CENPW: variants seen among roughly 807,000 people sequenced by gnomAD.
CENPW encodes the protein centromere protein W, also known as cancer-up-regulated gene 2 protein.
CENPW carries 3 observed loss-of-function variants against 11.1 expected under a neutral mutation model. The observed-to-expected ratio is 0.27, with a 90% CI of 0.12 to 0.70. The LOEUF is 0.70. Among genes scored for constraint, CENPW ranks in the 30% least tolerant of loss-of-function variants. The probability of loss-of-function intolerance (pLI) is 0.77; values close to 1 mark genes in which losing one functional copy is unlikely to be tolerated. For missense variants in CENPW, 100 were observed against 105.6 expected (o/e 0.95, Z 0.23); for synonymous variants, 38 against 42.0 (o/e 0.91, Z 0.37).
At chr6:126,409,123 T>C in the CENPW span, among the ~76,000 whole-genome samples, 149 of 152,250 alleles carry the variant, frequency 9.8e-4, no homozygotes, top group Non-Finnish European at 1.3e-3. Context: ...TTTTGCTATA[T>C]CTCATAGGTT....
chr6:126,468,909 T>A, the CENPW span, among the ~76,000 whole-genome samples: 336 of 152,124 alleles, frequency 2.2e-3, no homozygotes, highest in Non-Finnish European at 4.0e-3. Flanking sequence ...GTTGAAGTGA[T>A]CTCCTCCCTT....
the CENPW span, among the ~76,000 whole-genome samples, chr6:126,374,711 A>T: frequency 6.6e-6 from 1 of 152,210 alleles, no homozygotes; most frequent in Non-Finnish European, 1.5e-5. Context: ...TAATAAAGCA[A>T]GTAGTTACAA....
chr6:126,478,410 ATCTCTC>A, the CENPW span, among the ~76,000 whole-genome samples: 18 of 146,868 alleles, frequency 1.2e-4, no homozygotes, highest in African/African-American at 3.5e-4. Context: ...GTCTCTCTTT[ATCTCTC>A]TCTCTCTCTC....
chr6:126,389,781 T>A, the CENPW span, among the ~76,000 whole-genome samples: 2 of 151,816 alleles, frequency 1.3e-5, no homozygotes, highest in Non-Finnish European at 2.9e-5. Flanking sequence ...TGTACATAAA[T>A]ATTTATTTTA....
chr6:126,372,057 T>G, the CENPW span, among the ~76,000 whole-genome samples: 1 of 152,068 alleles, frequency 6.6e-6, no homozygotes, highest in Non-Finnish European at 1.5e-5. Flanking sequence ...ATTTATCTTT[T>G]ATATTGTTAT....
At chr6:126,467,120 T>C in the CENPW span, among the ~76,000 whole-genome samples, 1 of 152,138 alleles carries the variant, frequency 6.6e-6, no homozygotes, top group African/African-American at 2.4e-5. Context: ...AATGACACTT[T>C]CCACAGGCTA....
the CENPW span, among the ~76,000 whole-genome samples, chr6:126,482,132 A>C: frequency 1.3e-5 from 2 of 152,058 alleles, no homozygotes; most frequent in Non-Finnish European, 2.9e-5. Flanking sequence ...TTCAGAGTAT[A>C]GACACTGTTT....
the CENPW span, among the ~76,000 whole-genome samples, chr6:126,401,589 G>A: frequency 6.6e-6 from 1 of 151,590 alleles, no homozygotes; most frequent in African/African-American, 2.4e-5. Flanking sequence ...CACTTGCCTT[G>A]CTCTATTGGA....
the CENPW span, among the ~76,000 whole-genome samples, chr6:126,467,276 T>C: frequency 6.6e-6 from 1 of 152,228 alleles, no homozygotes; most frequent in Non-Finnish European, 1.5e-5. Context: ...AACAGCATGG[T>C]ACTGGTACAA....
At chr6:126,342,892 T>G (rs576382517) in intron 1 of CENPW, among the ~76,000 whole-genome samples, 1 of 152,216 alleles carries the variant, frequency 6.6e-6, no homozygotes, top group Non-Finnish European at 1.5e-5. Context: ...TATAATTTCT[T>G]TGTGTTATTT....
the CENPW span, among the ~76,000 whole-genome samples, chr6:126,422,298 T>G: frequency 1.3e-5 from 2 of 152,248 alleles, no homozygotes; most frequent in African/African-American, 4.8e-5. Flanking sequence ...ATTAGTCAGC[T>G]AGGGTTGCCA....
At chr6:126,405,730 C>G in the CENPW span, among the ~76,000 whole-genome samples, 71 of 151,954 alleles carry the variant, frequency 4.7e-4, no homozygotes, top group African/African-American at 1.7e-3. Flanking sequence ...CCTTAATTGT[C>G]TGTTACTAAG....
chr6:126,415,601 C>T, the CENPW span, among the ~76,000 whole-genome samples: 1 of 152,148 alleles, frequency 6.6e-6, no homozygotes, highest in South Asian at 2.1e-4. Flanking sequence ...TCTTGAATTC[C>T]CATGTATTGT....
At chr6:126,444,011 G>A in the CENPW span, among the ~76,000 whole-genome samples, 2 of 148,040 alleles carry the variant, frequency 1.4e-5, no homozygotes, top group East Asian at 2.0e-4. Context: ...ATTGTCTTCT[G>A]TCATAAAGCA....
At chr6:126,404,854 GTT>G in the CENPW span, among the ~76,000 whole-genome samples, 1,182 of 137,740 alleles carry the variant, frequency 8.6e-3, 14 homozygotes, top group African/African-American at 0.023. Context: ...AAGTATTTGG[GTT>G]TTTTTTTTTT....
the CENPW span, among the ~76,000 whole-genome samples, chr6:126,370,359 T>G: frequency 6.6e-6 from 1 of 152,122 alleles, no homozygotes; most frequent in South Asian, 2.1e-4. Flanking sequence ...TTCAATGAAT[T>G]TGTCATTTTC....
At chr6:126,454,023 C>G in the CENPW span, among the ~76,000 whole-genome samples, 1 of 151,488 alleles carries the variant, frequency 6.6e-6, no homozygotes, top group Non-Finnish European at 1.5e-5. Context: ...GAAGACCTAA[C>G]TATCCTGAAT....
rs900826882 is a variant in CENPW at position 126,347,322 on chromosome 6, T to G, written c.240+1004T>G. 1.4e-4 allele frequency among the ~76,000 whole-genome samples: 22 copies of G among 152,168 alleles called. 1 individual carries two copies. Among genetic ancestry groups the G allele is most frequent in the Admixed American group, 1.2e-3 (19 of 15,274 alleles). On this transcript the variant is annotated intron_variant, in intron 2 of 2. Coordinates refer to ENST00000368328, the MANE Select transcript of CENPW (RefSeq NM_001012507.4). ...TTTGAAATAAGGTACAAAAGATAGT[T>G]TAGAGTTCCCATGTACCCTGTATCC...
the CENPW span, among the ~76,000 whole-genome samples, chr6:126,441,351 A>G: frequency 6.6e-6 from 1 of 151,460 alleles, no homozygotes; most frequent in Admixed American, 6.6e-5. Context: ...GTAGCCAAAC[A>G]GAATTTTTTG....
Sources: allele counts gnomAD v4.1 joint callset (sites outside exome capture counted in the v4.1 genomes callset), GRCh38; gene constraint gnomAD v4.1.1; transcripts MANE v1.5; gene names NCBI Gene and HGNC (gene_info 2026-07-23, HGNC 2026-07-21).